The following NBEA variants were observed in gnomAD, a reference collection of about 807,000 sequenced individuals.
The protein encoded by NBEA is neurobeachin, also known as lysosomal-trafficking regulator 2.
In NBEA, 44 loss-of-function variants were observed where a neutral mutation model predicts 343.4. The observed-to-expected ratio is 0.13, with a 90% CI of 0.10 to 0.16. The LOEUF is 0.16. Ranked by LOEUF, NBEA falls within the 10% of genes least tolerant of loss-of-function variation. The pLI, the probability that NBEA is intolerant of heterozygous loss-of-function variation, is 1.00. For synonymous variants in NBEA, 1,175 were observed against 1,238.7 expected (o/e 0.95, Z 1.08); for missense variants, 2,555 against 3,631.3 (o/e 0.70, Z 7.62).
At chr13:35,428,509 C>G (rs1298079521) in intron 38 of NBEA, among the ~76,000 whole-genome samples, 1 of 152,214 alleles carries the variant, frequency 6.6e-6, no homozygotes, top group Admixed American at 6.5e-5. Context: ...TTGAGCACAA[C>G]TACTGAGCTT....
At chr13:35,593,514 T>C in intron 47 of NBEA, 67 bp downstream of exon 47, 1 of 1,316,338 alleles carries the variant, frequency 7.6e-7, no homozygotes, top group South Asian at 1.3e-5. Context: ...TTTTTTTAAG[T>C]GGGTATGTAT....
At chr13:35,266,456 T>G (rs2033686550) in intron 34 of NBEA, among the ~76,000 whole-genome samples, 1 of 151,778 alleles carries the variant, frequency 6.6e-6, no homozygotes, top group Non-Finnish European at 1.5e-5. Flanking sequence ...ATTAACAGAT[T>G]AATGGATAAA....
At chr13:34,977,035 G>C (rs1490323149) in intron 1 of NBEA, among the ~76,000 whole-genome samples, 1 of 150,460 alleles carries the variant, frequency 6.6e-6, no homozygotes, top group Non-Finnish European at 1.5e-5. Flanking sequence ...CTGCCTCCCA[G>C]GTTCAAGTGA....
chr13:34,968,620 C>G (rs1566102473), intron 1 of NBEA, among the ~76,000 whole-genome samples: 1 of 152,228 alleles, frequency 6.6e-6, no homozygotes, highest in South Asian at 2.1e-4. Flanking sequence ...TACAATAAGA[C>G]ATTGAGCTAG....
intron 1 of NBEA, among the ~76,000 whole-genome samples, chr13:34,996,946 C>T (rs1318790595): frequency 6.6e-6 from 1 of 152,042 alleles, no homozygotes; most frequent in African/African-American, 2.4e-5. Context: ...TTATTTATGT[C>T]CTGTATTCAA....
chr13:35,416,500 G>A (rs1227512929), intron 38 of NBEA, among the ~76,000 whole-genome samples: 3 of 152,084 alleles, frequency 2.0e-5, no homozygotes, highest in African/African-American at 7.2e-5. Context: ...TAATCATGTG[G>A]TTTTTGTCTT....
intron 32 of NBEA, among the ~76,000 whole-genome samples, chr13:35,210,020 T>A (rs2073660352): frequency 6.6e-6 from 1 of 152,138 alleles, no homozygotes; most frequent in African/African-American, 2.4e-5. Flanking sequence ...AAAACTGTTT[T>A]TCTTTTACTA....
chr13:35,240,869 G>T (rs1381714820), intron 34 of NBEA, among the ~76,000 whole-genome samples: 2 of 151,580 alleles, frequency 1.3e-5, no homozygotes, highest in African/African-American at 4.8e-5. Context: ...TGGTTGCAAG[G>T]ATGTTCACTT....
intron 43 of NBEA, among the ~76,000 whole-genome samples, chr13:35,554,309 A>G (rs1173254842): frequency 1.3e-5 from 2 of 152,348 alleles, no homozygotes; most frequent in East Asian, 1.9e-4. Flanking sequence ...CAATCAGTTT[A>G]AAAACCCAGT....
chr13:35,304,768 A>G (rs995813186), intron 35 of NBEA, among the ~76,000 whole-genome samples: 1 of 152,140 alleles, frequency 6.6e-6, no homozygotes, highest in Non-Finnish European at 1.5e-5. Context: ...AAAATTTTTT[A>G]TATTTACTGT....
intron 33 of NBEA, among the ~76,000 whole-genome samples, chr13:35,218,856 G>A (rs2074211391): frequency 6.6e-6 from 1 of 151,870 alleles, no homozygotes; most frequent in African/African-American, 2.4e-5. Context: ...CAATTTCATT[G>A]TAATGTGAAA....
At chr13:35,394,087 G>T (rs542155221) in intron 38 of NBEA, among the ~76,000 whole-genome samples, 53 of 152,226 alleles carry the variant, frequency 3.5e-4, no homozygotes, top group African/African-American at 1.3e-3. Flanking sequence ...TGTACTAAGT[G>T]TGGGAAAATA....
At chr13:35,366,361 A>T (rs2041111712) in intron 38 of NBEA, among the ~76,000 whole-genome samples, 1 of 151,410 alleles carries the variant, frequency 6.6e-6, no homozygotes, top group Admixed American at 6.6e-5. Context: ...AGGAGTTATT[A>T]TATATTATAT....
At chr13:35,620,250 CG>C (rs1443430970) in intron 48 of NBEA, among the ~76,000 whole-genome samples, 5 of 151,930 alleles carry the variant, frequency 3.3e-5, no homozygotes, top group Non-Finnish European at 5.9e-5. Flanking sequence ...AGAAGGTGAC[CG>C]GTGGTAGAAA....
intron 18 of NBEA, among the ~76,000 whole-genome samples, chr13:35,143,047 C>G (rs1057489224): frequency 6.6e-6 from 1 of 152,160 alleles, no homozygotes; most frequent in African/African-American, 2.4e-5. Context: ...AGTTCTTTTT[C>G]TCTAGCACAA....
chr13:35,285,116 A>G (rs1005510528), intron 34 of NBEA, among the ~76,000 whole-genome samples: 1 of 152,080 alleles, frequency 6.6e-6, no homozygotes, highest in African/African-American at 2.4e-5. Flanking sequence ...ATTCAGCTCT[A>G]CTAATTTGGG....
chr13:35,584,669 T>G (rs903202915), intron 46 of NBEA, among the ~76,000 whole-genome samples: 8 of 151,956 alleles, frequency 5.3e-5, no homozygotes, highest in African/African-American at 1.9e-4. Flanking sequence ...CCAGCTAATT[T>G]TTGTATTTTT....
intron 41 of NBEA, among the ~76,000 whole-genome samples, chr13:35,545,379 C>A (rs946830174): frequency 6.6e-6 from 1 of 152,212 alleles, no homozygotes; most frequent in African/African-American, 2.4e-5. Context: ...TGCCTCAAAT[C>A]TCACTCTGCC....
chr13:35,507,969 A>G (rs2152984789), intron 41 of NBEA, among the ~76,000 whole-genome samples: 1 of 152,336 alleles, frequency 6.6e-6, no homozygotes, highest in East Asian at 1.9e-4. Flanking sequence ...CTAGATAGGT[A>G]TCACCATCTA....
Sources: gnomAD v4.1 joint callset for allele counts (sites outside exome capture counted in the v4.1 genomes callset) on GRCh38, gnomAD v4.1.1 for gene constraint, MANE v1.5 for transcripts, NCBI Gene and HGNC (gene_info 2026-07-23, HGNC 2026-07-21) for gene names.